VPS13A: variants seen among roughly 807,000 people sequenced by gnomAD.
VPS13A encodes the protein vacuolar protein sorting 13 homolog A.
Under a neutral mutation model 390.9 loss-of-function variants are expected in VPS13A, and 264 were observed. The observed-to-expected ratio is 0.68, with a 90% CI of 0.61 to 0.75. The LOEUF is 0.75. Among genes scored for constraint, VPS13A ranks in the 30% least tolerant of loss-of-function variants. The probability of loss-of-function intolerance (pLI) is 0.00; values close to 1 mark genes in which losing one functional copy is unlikely to be tolerated. For missense variants in VPS13A, 3,409 were observed against 3,733.9 expected, an observed-to-expected ratio of 0.91 and a Z score of 2.27; for synonymous variants, 1,231 against 1,227.1, an observed-to-expected ratio of 1.00 and a Z score of -0.07.
rs1025957940 is a variant in VPS13A, at chr9:77,177,930, C to G, written c.100+126C>G. ...CGCCGGGTGCAGCCACCTGCCGCCG[C>G]CCGCCTGTGGGTCAAGTTACGTAAA... On this transcript the variant is annotated intron_variant, in intron 1 of 71. Transcript: ENST00000360280. The G allele has an allele frequency of 1.2e-5, 9 of 777,866 alleles. No homozygotes were observed. In the African/African-American group the frequency reaches 1.6e-4, roughly 13 times the overall value. 48.2% of individuals were successfully genotyped at this position (777,866 alleles called of 1,614,324 possible).
At chr9:77,358,639 T>A (rs1207036211) in intron 57 of VPS13A, among the ~76,000 whole-genome samples, 1 of 152,198 alleles carries the variant, frequency 6.6e-6, no homozygotes, top group African/African-American at 2.4e-5. Context: ...AAGAAAAGAT[T>A]GATTAGAAAC....
intron 68 of VPS13A, among the ~76,000 whole-genome samples, chr9:77,398,918 CA>C (rs1236316080): frequency 5.6e-5 from 8 of 143,192 alleles, no homozygotes; most frequent in Admixed American, 7.3e-5. Context: ...ATCGCAAGAA[CA>C]AAAAACCAAA....
chr9:77,230,537 T>A (rs1220181619), intron 17 of VPS13A, among the ~76,000 whole-genome samples: 1 of 152,110 alleles, frequency 6.6e-6, no homozygotes, highest in Non-Finnish European at 1.5e-5. Flanking sequence ...TATAAGTTGA[T>A]CATAAATGTA....
intron 71 of VPS13A, among the ~76,000 whole-genome samples, chr9:77,414,863 C>T (rs577920880): frequency 6.6e-6 from 1 of 152,228 alleles, no homozygotes; most frequent in South Asian, 2.1e-4. Flanking sequence ...ACTCATACAA[C>T]ACTCTGCGTT....
chr9:77,402,457 T>C (rs1191507258), intron 68 of VPS13A, among the ~76,000 whole-genome samples: 1 of 152,192 alleles, frequency 6.6e-6, no homozygotes, highest in Non-Finnish European at 1.5e-5. Context: ...AACATGCCTC[T>C]TCTTGAGGGA....
chr9:77,409,378 A>G (rs986473290), intron 71 of VPS13A, among the ~76,000 whole-genome samples: 2 of 152,240 alleles, frequency 1.3e-5, no homozygotes, highest in African/African-American at 2.4e-5. Flanking sequence ...TGGAAACTCT[A>G]AAAATCAGAG....
At chr9:77,186,443 T>C (rs1227135088) in intron 1 of VPS13A, among the ~76,000 whole-genome samples, 1 of 152,218 alleles carries the variant, frequency 6.6e-6, no homozygotes, top group African/African-American at 2.4e-5. Flanking sequence ...TTTATTTGTT[T>C]TTTTTAATTT....
intron 23 of VPS13A, among the ~76,000 whole-genome samples, chr9:77,269,129 C>T (rs1170207934): frequency 2.0e-5 from 3 of 152,086 alleles, no homozygotes; most frequent in Non-Finnish European, 4.4e-5. Context: ...TTTTGTATCA[C>T]ATCTCTGCAA....
intron 4 of VPS13A, 38 bp from the exon 5 acceptor site, chr9:77,205,940 A>T: frequency 7.2e-7 from 1 of 1,393,680 alleles, no homozygotes; most frequent in Non-Finnish European, 9.9e-7. Context: ...ATTTAAATTT[A>T]AGGTAGTTAT....
chr9:77,213,633 G>A (rs969742909), intron 9 of VPS13A, among the ~76,000 whole-genome samples: 3 of 151,466 alleles, frequency 2.0e-5, no homozygotes, highest in Non-Finnish European at 4.4e-5. Context: ...CTTGAGTAGC[G>A]AGGACTATAG....
At chr9:77,248,010 A>C (rs758611738) in intron 20 of VPS13A, among the ~76,000 whole-genome samples, 3 of 151,862 alleles carry the variant, frequency 2.0e-5, no homozygotes, top group African/African-American at 4.8e-5. Context: ...TGAGAAGCTT[A>C]TTTCTTTCTC....
rs374798527 is a variant in VPS13A at position 77,235,419 on chromosome 9, A to G, written c.1596-2583A>G. 6.6e-5 allele frequency among the ~76,000 whole-genome samples: 10 copies of G among 152,246 alleles called. No homozygotes were observed. The East Asian group carries it at 1.2e-3, about 18-fold the overall frequency. On this transcript the variant is annotated intron_variant, in intron 17 of 71. Transcript: ENST00000360280. The stretch of plus-strand genomic sequence containing the variant: ...CTGAGGAGAAATTAGCTGTTAATCT[A>G]TTACATATCTTGTTATGTGATGAGT...
chr9:77,298,954 G>C (rs1828173146), intron 33 of VPS13A, among the ~76,000 whole-genome samples: 1 of 152,122 alleles, frequency 6.6e-6, no homozygotes, highest in Non-Finnish European at 1.5e-5. Context: ...TGAGGAAGGG[G>C]TCCAGTTTCA....
intron 33 of VPS13A, among the ~76,000 whole-genome samples, chr9:77,302,518 G>A (rs527279864): frequency 5.3e-5 from 8 of 150,870 alleles, no homozygotes; most frequent in African/African-American, 9.7e-5. Context: ...GACTACAGGC[G>A]CATGCCACCA....
chr9:77,270,398 A>C (rs942825011), intron 23 of VPS13A, among the ~76,000 whole-genome samples: 8 of 152,192 alleles, frequency 5.3e-5, no homozygotes, highest in African/African-American at 1.4e-4. Flanking sequence ...ATGAAGTTGG[A>C]TATTTAGCTG....
intron 67 of VPS13A, among the ~76,000 whole-genome samples, chr9:77,380,485 T>A (rs992852552): frequency 2.0e-5 from 3 of 152,134 alleles, no homozygotes; most frequent in African/African-American, 4.8e-5. Flanking sequence ...CTAATTTTTG[T>A]ATTTTTAGTA....
rs747362545 is a variant in VPS13A, at chr9:77,406,000, G to GAT, written c.9399+14_9399+15dup. 5.1e-5 allele frequency: 83 copies of GAT among 1,613,064 alleles called. No individual in the cohort carries two copies. Among genetic ancestry groups the GAT allele is most frequent in the Non-Finnish European group, 6.1e-5 (72 of 1,179,876 alleles). On this transcript the variant is annotated intron_variant, in intron 70 of 71. Coordinates refer to ENST00000360280, the MANE Select transcript of VPS13A (RefSeq NM_033305.3). ...CATTGAAGCAAAGGTATGTTGAATA[G>GAT]ATTTATTTTTTGAAAACTTGGAACT...
Position 77,323,090 on chromosome 9 carries a change from G to A in VPS13A, c.5854G>A (p.Asp1952Asn). 6.2e-7 allele frequency: 1 copy of A among 1,612,758 alleles called. No homozygotes were observed. Among genetic ancestry groups the A allele is most frequent in the Non-Finnish European group, 8.5e-7 (1 of 1,179,114 alleles). Residue 1952 changes from aspartate to asparagine, a missense_variant, in exon 45 of 72, where the codon GAT becomes AAT. Physicochemically the swap from Asp to Asn is conservative, Grantham distance 23. Transcript: ENST00000360280. Reference sequence around the variant, plus strand: ...AGCACCTGTTAACCATTCTACTGCTGATAAGATTCCTTTAACAAAAGTGGG... The same window carrying A: ...AGCACCTGTTAACCATTCTACTGCTAATAAGATTCCTTTAACAAAAGTGGG... ...LLTPVNHSTA[D>N]KIPLTKVGRR...
intron 17 of VPS13A, among the ~76,000 whole-genome samples, chr9:77,236,131 T>C (rs1448976937): frequency 6.6e-6 from 1 of 152,220 alleles, no homozygotes; most frequent in Non-Finnish European, 1.5e-5. Context: ...TTTAAACTTA[T>C]GACATATTCA....
Sources: gnomAD v4.1 joint callset for allele counts (sites outside exome capture counted in the v4.1 genomes callset) on GRCh38, gnomAD v4.1.1 for gene constraint, MANE v1.5 for transcripts, NCBI Gene and HGNC (gene_info 2026-07-23, HGNC 2026-07-21) for gene names.